RAB27A: variants seen among roughly 807,000 people sequenced by gnomAD.
RAB27A encodes the protein RAB27A, member RAS oncogene family, also known as ras-related protein Rab-27A.
A neutral mutation model predicts 20.8 loss-of-function variants in RAB27A; 17 were observed. The observed-to-expected ratio is 0.82, with a 90% CI of 0.56 to 1.23. The LOEUF is 1.23. RAB27A is among the 50% of genes most tolerant of loss of function. RAB27A has a pLI of 0.00. For synonymous variants in RAB27A, 85 were observed against 92.8 expected (o/e 0.92, Z 0.48); for missense variants, 277 against 266.7 (o/e 1.04, Z -0.27).
upstream of RAB27A, chr15:55,290,392 G>T (rs1471902794): frequency 6.6e-6 from 1 of 152,360 alleles, no homozygotes; most frequent in East Asian, 1.9e-4. Context: ...GAATGCCCAG[G>T]ATTCCTGGAA....
chr15:55,266,887 G>A (rs541360887), intron 2 of RAB27A, among the ~76,000 whole-genome samples: 2 of 152,274 alleles, frequency 1.3e-5, no homozygotes, highest in South Asian at 4.1e-4. Context: ...TTTGCATTTG[G>A]AAAACAGACC....
chr15:55,228,404 A>T (rs1895892740), intron 5 of RAB27A, among the ~76,000 whole-genome samples: 1 of 152,224 alleles, frequency 6.6e-6, no homozygotes, highest in Non-Finnish European at 1.5e-5. Context: ...CACAGGAAGT[A>T]CTCAACAAAT....
intron 1 of RAB27A, among the ~76,000 whole-genome samples, chr15:55,318,098 CTTTTTTT>C (rs200901102): frequency 7.6e-6 from 1 of 131,424 alleles, no homozygotes; most frequent in Non-Finnish European, 1.6e-5. Flanking sequence ...CATACTTTTT[CTTTTTTT>C]TTTTTTTTTT....
At chr15:55,271,123 A>G (rs965152039) in intron 1 of RAB27A, among the ~76,000 whole-genome samples, 5 of 152,076 alleles carry the variant, frequency 3.3e-5, no homozygotes, top group Admixed American at 1.3e-4. Flanking sequence ...TCCATCCTCC[A>G]CACCACACCC....
At chr15:55,209,164 G>A (rs1005664210) in intron 6 of RAB27A, among the ~76,000 whole-genome samples, 2 of 151,988 alleles carry the variant, frequency 1.3e-5, no homozygotes, top group Admixed American at 1.3e-4. Flanking sequence ...TTCCCTCCTA[G>A]CTATTTCAAG....
At chr15:55,226,528 T>C (rs1895803622) in intron 5 of RAB27A, among the ~76,000 whole-genome samples, 1 of 152,008 alleles carries the variant, frequency 6.6e-6, no homozygotes, top group African/African-American at 2.4e-5. Flanking sequence ...TGTGTGTGTG[T>C]GTGTGTGAGT....
chr15:55,252,152 G>T (rs1896912187), intron 2 of RAB27A, among the ~76,000 whole-genome samples: 1 of 152,140 alleles, frequency 6.6e-6, no homozygotes, highest in Admixed American at 6.6e-5. Context: ...AATTCAAGAG[G>T]ACATCTGGGC....
rs1555391715 is a variant in RAB27A, at chr15:55,209,891, T to TATATACATATATGTGTGTATATAC, written c.468-4187_468-4186insGTATATACACACATATATGTATAT. Among the ~76,000 whole-genome samples the TATATACATATATGTGTGTATATAC allele has an allele frequency of 2.1e-4, 25 of 120,574 alleles. 7 individuals are homozygous for TATATACATATATGTGTGTATATAC. Among genetic ancestry groups the TATATACATATATGTGTGTATATAC allele is most frequent in the African/African-American group, 1.1e-3 (24 of 21,670 alleles). The allele number at this position is 120,574 out of a possible 152,430, so 79.1% of individuals were successfully genotyped here. A position where few individuals can be genotyped will look rare whatever the true frequency, so the allele number is the denominator to read the frequency against. ...ATATACATATATGTGTGTGTATACA[T>TATATACATATATGTGTGTATATAC]ATATACACATATGTGTGTGTATGTA... On this transcript the variant is annotated intron_variant, in intron 6 of 6. Coordinates refer to ENST00000336787, the MANE Select transcript of RAB27A (RefSeq NM_183235.3).
chr15:55,314,072 G>C (rs58490929), exon 2 of RAB27A: 10 of 151,836 alleles, frequency 6.6e-5, no homozygotes, highest in Non-Finnish European at 1.2e-4. Context: ...GCTGAGGCAG[G>C]AGAATCACTT....
chr15:55,238,563 C>T (rs1443599029), intron 2 of RAB27A: 1 of 152,152 alleles, frequency 6.6e-6, no homozygotes, highest in African/African-American at 2.4e-5. Context: ...TATGGAGTGC[C>T]CAGCACAATG....
At chr15:55,261,299 AG>A (rs1897258921) in intron 2 of RAB27A, among the ~76,000 whole-genome samples, 1 of 151,940 alleles carries the variant, frequency 6.6e-6, no homozygotes, top group Non-Finnish European at 1.5e-5. Context: ...CAGGAGGCTG[AG>A]GTGGGAGAAT....
chr15:55,306,705 G>A (rs375469258), intron 2 of RAB27A, among the ~76,000 whole-genome samples: 21 of 152,298 alleles, frequency 1.4e-4, no homozygotes, highest in African/African-American at 5.1e-4. Flanking sequence ...GTGAAGGCGG[G>A]GTTTCCCTTA....
chr15:55,273,903 C>G (rs1384744238), intron 1 of RAB27A, among the ~76,000 whole-genome samples: 1 of 152,166 alleles, frequency 6.6e-6, no homozygotes, highest in East Asian at 1.9e-4. Flanking sequence ...ATGGAATTAA[C>G]AGGCACATAC....
chr15:55,256,007 T>C (rs1053614755), intron 2 of RAB27A, among the ~76,000 whole-genome samples: 1 of 152,166 alleles, frequency 6.6e-6, no homozygotes, highest in East Asian at 1.9e-4. Context: ...TCTAGCAAGA[T>C]TATTGGAAGG....
Position 55,230,383 on chromosome 15 carries a change from T to C in RAB27A, c.239+18A>G, listed in dbSNP as rs774239813. On this transcript the variant is annotated intron_variant, in intron 4 of 6. Coordinates refer to ENST00000336787, the MANE Select transcript of RAB27A (RefSeq NM_183235.3). ...TCCCTTTCCTTCAGTAAGGAGCACA[T>C]AACTGAAGATCTCATACCTCTCCTG... 3 of 1,587,606 alleles carry C rather than the reference T, an allele frequency of 1.9e-6. No individual in the cohort carries two copies. The highest frequency in any genetic ancestry group is 1.1e-5 in the South Asian group (1 of 90,534).
intron 1 of RAB27A, among the ~76,000 whole-genome samples, chr15:55,285,496 G>C (rs899412469): frequency 6.6e-6 from 1 of 152,066 alleles, no homozygotes; most frequent in South Asian, 2.1e-4. Flanking sequence ...CTTACCCTAC[G>C]AACATAAGTA....
At chr15:55,244,543 C>A (rs1896616573) in intron 2 of RAB27A, among the ~76,000 whole-genome samples, 1 of 151,858 alleles carries the variant, frequency 6.6e-6, no homozygotes, top group Admixed American at 6.6e-5. Context: ...TCTCAAACTC[C>A]CGAGCTCAAG....
intron 1 of RAB27A, among the ~76,000 whole-genome samples, chr15:55,315,960 G>A (rs1478543517): frequency 6.6e-6 from 1 of 152,106 alleles, no homozygotes; most frequent in South Asian, 2.1e-4. Context: ...ACGGCCAGGC[G>A]CGGTGGCTCA....
At chr15:55,220,343 C>T (rs1170372039) in intron 6 of RAB27A, among the ~76,000 whole-genome samples, 2 of 152,174 alleles carry the variant, frequency 1.3e-5, no homozygotes, top group Non-Finnish European at 2.9e-5. Flanking sequence ...TCTTGGCTCA[C>T]TGCAACCTCT....
Sources: allele counts gnomAD v4.1 joint callset (sites outside exome capture counted in the v4.1 genomes callset), GRCh38; gene constraint gnomAD v4.1.1; transcripts MANE v1.5; gene names NCBI Gene and HGNC (gene_info 2026-07-23, HGNC 2026-07-21).